The following CSAD variants were observed in gnomAD, a reference collection of about 807,000 sequenced individuals.
The protein encoded by CSAD is cysteine sulfinic acid decarboxylase.
Under a neutral mutation model 61.5 loss-of-function variants are expected in CSAD, and 47 were observed. The ratio of observed to expected loss-of-function variants is 0.76; its 90% CI spans 0.60 to 0.97. The LOEUF is 0.97. Ranked by LOEUF, CSAD falls within the 50% of genes least tolerant of loss-of-function variation. The probability of loss-of-function intolerance (pLI) is 0.00; values close to 1 mark genes in which losing one functional copy is unlikely to be tolerated. For missense variants in CSAD, 611 were observed against 643.6 expected (o/e 0.95, Z 0.55); for synonymous variants, 245 against 252.7 (o/e 0.97, Z 0.29).
intron 8 of CSAD, 155 bp from the exon 9 acceptor site, chr12:53,170,657 G>A (rs1940454896): frequency 1.5e-6 from 1 of 648,796 alleles, no homozygotes; most frequent in East Asian, 2.8e-5. Flanking sequence ...TGGTTAAAAT[G>A]AAATGCAGGT....
rs182116686 is a variant in CSAD, at chr12:53,172,423, G to A, written c.267C>T (p.Phe89=). 2.5e-6 allele frequency: 4 copies of A among 1,614,186 alleles called. No individual in the cohort carries two copies. The East Asian group carries it at 8.9e-5, about 36-fold the overall frequency. ...CCAACCCAGAGAAGAGCTGGTTGAA[G>A]AACCGAGGGTGACCTGGAGAAGGAG... ...RYSVKTGHPR[F]FNQLFSGLDP... Residue 89 remains phenylalanine, a synonymous_variant, in exon 6 of 17, where the codon TTC becomes TTT. Transcript: ENST00000444623.
chr12:53,168,404 A>C (rs1374550055), intron 10 of CSAD, among the ~76,000 whole-genome samples: 1 of 152,194 alleles, frequency 6.6e-6, no homozygotes, highest in East Asian at 1.9e-4. Flanking sequence ...TATCAATAAA[A>C]CTATTACCAA....
chr12:53,159,735 A>C (rs1403103052), intron 15 of CSAD, 23 bp from the exon 16 acceptor site: 1 of 1,591,854 alleles, frequency 6.3e-7, no homozygotes, highest in East Asian at 2.3e-5. Context: ...AGAAAGAGGA[A>C]GGTGTGAGCT....
In CSAD at chr12:53,159,720, G is replaced by T; in HGVS notation, c.1219-8C>A. On this transcript the variant is annotated splice_region_variant and splice_polypyrimidine_tract_variant and intron_variant, in intron 15 of 16. Coordinates refer to ENST00000444623, the MANE Select transcript of CSAD (RefSeq NM_001244705.2). ...CACATTGACAAACTCAGGCTGAGAG[G>T]AATGAGAAAGAGGAAGGTGTGAGCT... 1 of 1,603,142 alleles carries T rather than the reference G, an allele frequency of 6.2e-7. No homozygotes were observed.
intron 5 of CSAD, 32 bp downstream of exon 5, chr12:53,172,490 C>T: frequency 6.2e-7 from 1 of 1,614,136 alleles, no homozygotes; most frequent in Non-Finnish European, 8.5e-7. Context: ...GGCAAACTCC[C>T]AAGTCTCCTC....
In CSAD at chr12:53,161,319, G is replaced by T. The variant is rs774482507; in HGVS notation, c.773C>A (p.Ala258Glu). The T allele has an allele frequency of 6.2e-7, 1 of 1,614,096 alleles. No homozygotes were observed. Among genetic ancestry groups the T allele is most frequent in the Non-Finnish European group, 8.5e-7 (1 of 1,180,018 alleles). ...TVLGAFDPLE[A>E]IADVCQRHGL... is the part of the protein sequence containing the mutation. ...ATGACGCTGGCACACATCAGCAATT[G>T]CCTCCAGGGGGTCAAAGGCCCCTAG... The change falls in exon 11 of 17, where the codon GCA becomes GAA. Residue 258 changes from alanine (A) to glutamate (E), a missense_variant. Physicochemically the swap from Ala to Glu is moderately radical, Grantham distance 107 (BLOSUM62 -1). Coordinates refer to ENST00000444623, the MANE Select transcript of CSAD (RefSeq NM_001244705.2).
intron 7 of CSAD, 106 bp downstream of exon 7, chr12:53,171,776 A>G: frequency 1.3e-6 from 1 of 787,886 alleles, no homozygotes; most frequent in Non-Finnish European, 2.1e-6. Flanking sequence ...CTGGAGAGGA[A>G]TCAAAGAGGA....
Position 53,171,715 on chromosome 12 carries a change from A to G in CSAD, c.451+167T>C, listed in dbSNP as rs1204831853. On this transcript the variant is annotated intron_variant, in intron 7 of 16. Coordinates refer to ENST00000444623, the MANE Select transcript of CSAD (RefSeq NM_001244705.2). ...CTGACCCCAGGGAATGGTGACAAAC[A>G]TGAGCATGAAGGGACCAGGCAGCCG... is the stretch of plus-strand genomic sequence containing the variant. The G allele has an allele frequency of 9.6e-6, 6 of 622,482 alleles. No homozygotes were observed. In the South Asian group the frequency reaches 1.0e-4, roughly 11 times the overall value. The allele number at this position is 622,482 out of a possible 1,614,324, so 38.6% of individuals were successfully genotyped here.
At position 53,165,426 on chromosome 12, in the gene CSAD, C is replaced by T. The variant is rs1315467790; in HGVS notation, c.703-4037G>A. ...CTGTGATCCCAGCACTTTGGGAGGCCGAGGCGGGTGGATCACAAGGTTGGG... is the reference window on the plus strand; with the variant it reads ...CTGTGATCCCAGCACTTTGGGAGGCTGAGGCGGGTGGATCACAAGGTTGGG... On this transcript the variant is annotated intron_variant, in intron 10 of 16. Coordinates refer to ENST00000444623, the MANE Select transcript of CSAD (RefSeq NM_001244705.2). 2.6e-5 allele frequency among the ~76,000 whole-genome samples: 4 copies of T among 151,298 alleles called. No homozygotes were observed. In the Middle Eastern group the frequency reaches 0.014, roughly 522 times the overall value.
chr12:53,171,830 G>A, intron 7 of CSAD, 52 bp downstream of exon 7: 1 of 1,154,838 alleles, frequency 8.7e-7, no homozygotes, highest in Non-Finnish European at 1.3e-6. Context: ...AACGGTGGGG[G>A]AGGAGGAACT....
At chr12:53,173,308 A>C (rs191791163) in intron 4 of CSAD, 37 bp downstream of exon 4, 153 of 1,565,690 alleles carry the variant, frequency 9.8e-5, no homozygotes, top group African/African-American at 4.2e-4. Context: ...GAAAAGAAAG[A>C]AAGCTTGATG....
At chr12:53,175,681 T>C (rs1457796342) in intron 2 of CSAD, among the ~76,000 whole-genome samples, 1 of 152,206 alleles carries the variant, frequency 6.6e-6, no homozygotes, top group Admixed American at 6.5e-5. Flanking sequence ...AGGCATTACA[T>C]AAACATTTGT....
chr12:53,171,944 T>G lies in CSAD; in HGVS notation c.389A>C (p.Glu130Ala), dbSNP rs772060165. 2 of 1,613,646 alleles carry G rather than the reference T, an allele frequency of 1.2e-6. No homozygotes were observed. Among genetic ancestry groups the G allele is most frequent in the Non-Finnish European group, 1.7e-6 (2 of 1,179,880 alleles). Residue 130 changes from glutamate (E) to alanine (A), a missense_variant, in exon 7 of 17, where the codon GAG (glutamate) becomes GCG (alanine). By Grantham distance (107) the Glu-to-Ala change is moderately radical. Transcript: ENST00000444623. ...CAGGGCCCGCAGTTTCCTCAGCACCTCCTCTTCCATGAGCACAAACACGGG... is the reference window on the plus strand; with the variant it reads ...CAGGGCCCGCAGTTTCCTCAGCACCGCCTCTTCCATGAGCACAAACACGGG... ...IAPVFVLMEE[E>A]VLRKLRALVG...
rs74724708 is a variant in CSAD, at chr12:53,159,734, A to G, written c.1219-22T>C. The G allele has an allele frequency of 1.5e-4, 241 of 1,593,164 alleles. No individual in the cohort carries two copies. The African/African-American group carries it at 3.0e-3, about 20-fold the overall frequency. On this transcript the variant is annotated intron_variant, in intron 15 of 16. Coordinates refer to ENST00000444623, the MANE Select transcript of CSAD (RefSeq NM_001244705.2). ...CAGGCTGAGAGGAATGAGAAAGAGG[A>G]AGGTGTGAGCTGAGAAAGGGGGACC...
chr12:53,180,472 C>A (rs1941494842), intron 1 of CSAD: 1 of 1,212,872 alleles, frequency 8.2e-7, no homozygotes, highest in South Asian at 1.5e-5. Context: ...TGCCCTCAGT[C>A]TCGATGGCGG....
intron 1 of CSAD, chr12:53,179,709 C>G: frequency 7.6e-7 from 1 of 1,311,228 alleles, no homozygotes; most frequent in Non-Finnish European, 1.1e-6. Context: ...TTTTTTTCAT[C>G]ATACAGTTTT....
intron 8 of CSAD, chr12:53,171,106 T>C: frequency 1.4e-6 from 1 of 693,822 alleles, no homozygotes; most frequent in Non-Finnish European, 2.6e-6. Context: ...GTATGGACTG[T>C]GTCCACTGCA....
chr12:53,180,435 G>C (rs937770470), intron 1 of CSAD: 1 of 1,174,186 alleles, frequency 8.5e-7, no homozygotes, highest in Non-Finnish European at 1.1e-6. Context: ...AGCACCCAGC[G>C]TACAATCATC....
intron 1 of CSAD, chr12:53,180,180 G>C (rs1565683884): frequency 3.0e-6 from 3 of 985,312 alleles, no homozygotes; most frequent in Non-Finnish European, 3.6e-6. Flanking sequence ...CAAAGCAAGA[G>C]TGTGCGAAGA....
Sources: allele counts gnomAD v4.1 joint callset (sites outside exome capture counted in the v4.1 genomes callset), GRCh38; gene constraint gnomAD v4.1.1; transcripts MANE v1.5; gene names NCBI Gene and HGNC (gene_info 2026-07-23, HGNC 2026-07-21).